Variants in CPEB2 observed in about 807,000 individuals in gnomAD.
CPEB2 encodes the protein cytoplasmic polyadenylation element binding protein 2.
Under a neutral mutation model 93.6 loss-of-function variants are expected in CPEB2, and 56 were observed. The ratio of observed to expected loss-of-function variants is 0.60; its 90% CI spans 0.48 to 0.75. The LOEUF is 0.75. Ranked by LOEUF, CPEB2 falls within the 30% of genes least tolerant of loss-of-function variation. CPEB2 has a pLI of 0.00. For missense variants in CPEB2, 1,579 were observed against 1,395.1 expected (o/e 1.13, Z -2.10); for synonymous variants, 764 against 586.3 (o/e 1.30, Z -4.38).
chr4:15,048,377 A>G (rs1259139859), intron 6 of CPEB2, among the ~76,000 whole-genome samples: 4 of 151,798 alleles, frequency 2.6e-5, no homozygotes, highest in Non-Finnish European at 4.4e-5. Context: ...TTTTTATTTT[A>G]AGTTATGACT....
At chr4:15,026,813 T>G (rs960158812) in intron 4 of CPEB2, among the ~76,000 whole-genome samples, 1 of 152,212 alleles carries the variant, frequency 6.6e-6, no homozygotes, top group African/African-American at 2.4e-5. Flanking sequence ...TATTTCAAAT[T>G]TTTAAATAAA....
At position 15,068,692 on chromosome 4, in the gene CPEB2, A is replaced by G. The variant is rs1425675874; in HGVS notation, c.*2312A>G. On this transcript the variant is annotated 3_prime_UTR_variant, in exon 12 of 12. Transcript: ENST00000538197. ...AGCCTTTTCATGTATTAAATAATGA[A>G]CACAAATTATATAATTAAAATAATT... 6.6e-6 allele frequency: 1 copy of G among 152,340 alleles called. No individual in the cohort carries two copies. The highest frequency in any genetic ancestry group is 1.5e-5 in the Non-Finnish European group (1 of 67,872). 9.4% of individuals were successfully genotyped at this position (152,340 alleles called of 1,614,324 possible).
At chr4:15,010,394 C>G (rs1255607997) in intron 3 of CPEB2, 1 of 152,192 alleles carries the variant, frequency 6.6e-6, no homozygotes, top group African/African-American at 2.4e-5. Context: ...AGCAAAGGGT[C>G]TTAGGCATTA....
chr4:15,042,971 G>A (rs765258401), intron 6 of CPEB2, among the ~76,000 whole-genome samples: 4 of 152,048 alleles, frequency 2.6e-5, no homozygotes, highest in Non-Finnish European at 5.9e-5. Context: ...TGTTCATGTC[G>A]GATGTGTCAC....
intron 3 of CPEB2, among the ~76,000 whole-genome samples, chr4:15,015,279 G>A (rs940314247): frequency 1.2e-4 from 18 of 152,000 alleles, no homozygotes; most frequent in Admixed American, 6.6e-4. Context: ...ACAGCTCATT[G>A]ATTCTTTGTG....
At position 15,003,032 on chromosome 4, in the gene CPEB2, A is replaced by G. The variant is rs1473027270; in HGVS notation, c.359A>G (p.Asp120Gly). 2.0e-6 allele frequency: 3 copies of G among 1,494,578 alleles called. No homozygotes were observed. Among genetic ancestry groups the G allele is most frequent in the Non-Finnish European group, 2.6e-6 (3 of 1,133,806 alleles). The allele number at this position is 1,494,578 out of a possible 1,614,324, so 92.6% of individuals were successfully genotyped here. A position where few individuals can be genotyped will look rare whatever the true frequency, so the allele number is the denominator to read the frequency against. ...GCGGCGGCCACGGAGAAACTCCCCG[A>G]CCACCACCCCGGCGGCGGCACGATC... is the stretch of plus-strand genomic sequence containing the variant. Reference protein sequence around the residue: ...SGAAATEKLPDHHPGGGTIAG... With the variant: ...SGAAATEKLPGHHPGGGTIAG... Residue 120 changes from aspartate (D) to glycine (G), a missense_variant, in exon 1 of 12, where the codon GAC (aspartate) becomes GGC (glycine). Physicochemically the swap from Asp to Gly is moderately conservative, Grantham distance 94. This residue lies in a region of CPEB2 where 1,411 missense variants were observed against 1,056.0 expected (regional missense o/e 1.34). Coordinates refer to ENST00000538197, the MANE Select transcript of CPEB2 (RefSeq NM_001177382.2).
In CPEB2 at chr4:15,007,633, A is replaced by G. The variant is rs1275388299; in HGVS notation, c.1944+47A>G. 5 of 1,301,144 alleles carry G rather than the reference A, an allele frequency of 3.8e-6. No homozygotes were observed. The African/African-American group carries it at 6.0e-5, about 16-fold the overall frequency. The allele number at this position is 1,301,144 out of a possible 1,614,324, so 80.6% of individuals were successfully genotyped here. ...CCTTATCTCTAATGTTAATCTTTCA[A>G]AATAGGGAGTTGGGTGGTGGTGGTA... On this transcript the variant is annotated intron_variant, in intron 2 of 11. Transcript: ENST00000538197.
rs1424350664 is a variant in CPEB2 at position 15,066,373 on chromosome 4, G to A, written c.3098G>A (p.Trp1033Ter). The A allele has an allele frequency of 1.3e-6, 2 of 1,597,928 alleles. No homozygotes were observed. The highest frequency in any genetic ancestry group is 1.8e-5 in the Admixed American group (1 of 56,790). ...ADRPRQIHFR[W>*]N is the part of the protein sequence containing the mutation. ...CGCCCACGTCAGATCCACTTCCGCT[G>A]GAACTAAGAATAGCAAACTGGCCTC... Residue 1033 changes from tryptophan to a stop codon, truncating the protein, a stop_gained, in exon 12 of 12, where the codon TGG becomes TAG. Coordinates refer to ENST00000538197, the MANE Select transcript of CPEB2 (RefSeq NM_001177382.2). LOFTEE classifies it high-confidence loss of function.
rs1365187887 is a variant in CPEB2 at position 15,004,251 on chromosome 4, G to A, written c.1578G>A (p.Ser526=). 1 of 1,493,354 alleles carries A rather than the reference G, an allele frequency of 6.7e-7. No homozygotes were observed. Among genetic ancestry groups the A allele is most frequent in the Non-Finnish European group, 8.9e-7 (1 of 1,128,768 alleles). The allele number at this position is 1,493,354 out of a possible 1,614,324, so 92.5% of individuals were successfully genotyped here. ...AAPQQPQSRR[S]PVSPQLQQQH... The stretch of plus-strand genomic sequence containing the variant: ...CGCAGCAGCCGCAGAGCCGGAGGTC[G>A]CCCGTCAGCCCGCAGCTCCAGCAGC... Residue 526 remains serine, a synonymous_variant, in exon 1 of 12, where the codon TCG becomes TCA. Coordinates refer to ENST00000538197, the MANE Select transcript of CPEB2 (RefSeq NM_001177382.2).
At chr4:15,060,508 A>G (rs1192849615) in intron 10 of CPEB2, among the ~76,000 whole-genome samples, 2 of 152,090 alleles carry the variant, frequency 1.3e-5, no homozygotes, top group African/African-American at 4.8e-5. Flanking sequence ...AACAGAGGTG[A>G]CAGATGTTTA....
chr4:15,002,978 C>G lies in CPEB2; in HGVS notation c.305C>G (p.Thr102Arg). ...TMQDELLLGL[T>R]QQPARPLSGA... ...CAGGATGAGCTGCTTCTGGGGCTGACACAGCAGCCGGCGCGGCCGCTTTCG... is the reference window on the plus strand; with the variant it reads ...CAGGATGAGCTGCTTCTGGGGCTGAGACAGCAGCCGGCGCGGCCGCTTTCG... Residue 102 changes from threonine (T) to arginine (R), a missense_variant, in exon 1 of 12, where the codon ACA becomes AGA. By Grantham distance (71) the Thr-to-Arg change is moderately conservative (BLOSUM62 -1). Transcript: ENST00000538197. The G allele has an allele frequency of 1.3e-6, 2 of 1,506,952 alleles. No homozygotes were observed. Among genetic ancestry groups the G allele is most frequent in the Middle Eastern group, 1.7e-4 (1 of 5,818 alleles). The allele number at this position is 1,506,952 out of a possible 1,614,324, so 93.3% of individuals were successfully genotyped here.
rs1577483199 is a variant in CPEB2, at chr4:15,067,781, A to G, written c.*1401A>G. 1 of 152,396 alleles carries G rather than the reference A, an allele frequency of 6.6e-6. No individual in the cohort carries two copies. Among genetic ancestry groups the G allele is most frequent in the Admixed American group, 6.6e-5 (1 of 15,218 alleles). 9.4% of individuals were successfully genotyped at this position (152,396 alleles called of 1,614,324 possible). A position where few individuals can be genotyped will look rare whatever the true frequency, so the allele number is the denominator to read the frequency against. On this transcript the variant is annotated 3_prime_UTR_variant, in exon 12 of 12. Coordinates refer to ENST00000538197, the MANE Select transcript of CPEB2 (RefSeq NM_001177382.2). Reference sequence around the variant, plus strand: ...TTGCTTATGTGTTTAACCTATAAATATTGGGGTCTTCTGTCTAAACTGGGG... The same window carrying G: ...TTGCTTATGTGTTTAACCTATAAATGTTGGGGTCTTCTGTCTAAACTGGGG...
intron 8 of CPEB2, among the ~76,000 whole-genome samples, chr4:15,056,855 T>C (rs939151185): frequency 1.4e-4 from 22 of 152,168 alleles, no homozygotes; most frequent in African/African-American, 5.3e-4. Flanking sequence ...AATATTTTAA[T>C]ATCTAATGAC....
chr4:15,039,746 A>G (rs927938053), intron 5 of CPEB2, among the ~76,000 whole-genome samples: 1 of 152,148 alleles, frequency 6.6e-6, no homozygotes, highest in African/African-American at 2.4e-5. Flanking sequence ...TAACATATGT[A>G]CTATTCCATG....
At chr4:15,016,022 A>C (rs1047627546) in intron 3 of CPEB2, among the ~76,000 whole-genome samples, 2 of 152,064 alleles carry the variant, frequency 1.3e-5, no homozygotes, top group South Asian at 2.1e-4. Context: ...ACCTATGAAC[A>C]GTATATTACA....
chr4:15,003,113 C>T lies in CPEB2; in HGVS notation c.440C>T (p.Pro147Leu), dbSNP rs745866396. 6.5e-7 allele frequency: 1 copy of T among 1,527,318 alleles called. No homozygotes were observed. The highest frequency in any genetic ancestry group is 2.0e-5 in the Admixed American group (1 of 49,938). The allele number at this position is 1,527,318 out of a possible 1,614,324, so 94.6% of individuals were successfully genotyped here. Residue 147 changes from proline to leucine, a missense_variant, in exon 1 of 12, where the codon CCC becomes CTC. Pro to Leu is a moderately conservative substitution (Grantham distance 98). Coordinates refer to ENST00000538197, the MANE Select transcript of CPEB2 (RefSeq NM_001177382.2). ...SQDFKPSLHH[P>L]SSSSASSCCC... ...GACTTCAAACCGAGTCTGCACCACCCCTCCTCCTCCTCCGCCTCCTCCTGC... is the reference window on the plus strand; with the variant it reads ...GACTTCAAACCGAGTCTGCACCACCTCTCCTCCTCCTCCGCCTCCTCCTGC...
intron 7 of CPEB2, among the ~76,000 whole-genome samples, chr4:15,053,048 GCT>G (rs1728383179): frequency 6.7e-6 from 1 of 150,132 alleles, no homozygotes; most frequent in East Asian, 2.0e-4. Context: ...GTGGAGTCTC[GCT>G]CTGTCTTCCA....
intron 8 of CPEB2, among the ~76,000 whole-genome samples, chr4:15,056,285 C>T (rs1728705035): frequency 6.6e-6 from 1 of 152,022 alleles, no homozygotes; most frequent in South Asian, 2.1e-4. Flanking sequence ...ACTTGAACAG[C>T]GTTCCAGGCA....
rs1304063615 is a variant in CPEB2, at chr4:15,003,758, C to T, written c.1085C>T (p.Pro362Leu). 3.2e-6 allele frequency: 4 copies of T among 1,248,858 alleles called. No homozygotes were observed. Among genetic ancestry groups the T allele is most frequent in the Non-Finnish European group, 3.0e-6 (3 of 1,001,512 alleles). 77.4% of individuals were successfully genotyped at this position (1,248,858 alleles called of 1,614,324 possible). A position where few individuals can be genotyped will look rare whatever the true frequency, so the allele number is the denominator to read the frequency against. The change falls in exon 1 of 12, where the codon CCA (proline) becomes CTA (leucine). Residue 362 changes from proline to leucine, a missense_variant. By Grantham distance (98) the Pro-to-Leu change is moderately conservative. Transcript: ENST00000538197. ...GGGGGGGGGP[P>L]GGGGGGGSAS... is the part of the protein sequence containing the mutation. ...GGCGGCGGCGGGGGCGGGGGGCCCCCAGGAGGCGGAGGGGGAGGCGGCTCC... is the reference window on the plus strand; with the variant it reads ...GGCGGCGGCGGGGGCGGGGGGCCCCTAGGAGGCGGAGGGGGAGGCGGCTCC...
Sources: gnomAD v4.1 joint callset for allele counts (sites outside exome capture counted in the v4.1 genomes callset) on GRCh38, gnomAD v4.1.1 for gene constraint, gnomAD v4.1.1 regional missense constraint, MANE v1.5 for transcripts, NCBI Gene and HGNC (gene_info 2026-07-23, HGNC 2026-07-21) for gene names.